C8orf34: variants seen among roughly 807,000 people sequenced by gnomAD.
C8orf34 encodes chromosome 8 open reading frame 34, also known as uncharacterized protein C8orf34.
Under a neutral mutation model 68.3 loss-of-function variants are expected in C8orf34, and 65 were observed. That is an observed-to-expected ratio of 0.95 (90% CI 0.78 to 1.17). The LOEUF (loss-of-function observed/expected upper bound fraction) is 1.17. Ranked by LOEUF, C8orf34 falls within the 50% of genes most tolerant of loss-of-function variation. The pLI is 0.00. For synonymous variants in C8orf34, 244 were observed against 241.2 expected, an observed-to-expected ratio of 1.01 and a Z score of -0.11; for missense variants, 664 against 655.4, an observed-to-expected ratio of 1.01 and a Z score of -0.14.
intron 10 of C8orf34, among the ~76,000 whole-genome samples, chr8:68,767,523 A>G (rs1823214445): frequency 6.6e-6 from 1 of 152,162 alleles, no homozygotes; most frequent in Non-Finnish European, 1.5e-5. Context: ...TTTTACTAAC[A>G]TCATATTCTT....
At chr8:68,675,351 TACA>T (rs1335851365) in intron 8 of C8orf34, among the ~76,000 whole-genome samples, 4 of 151,950 alleles carry the variant, frequency 2.6e-5, no homozygotes, top group African/African-American at 9.7e-5. Flanking sequence ...CAAAAATAAT[TACA>T]ACAACTTTTC....
chr8:68,394,695 G>A (rs921659071), intron 1 of C8orf34, among the ~76,000 whole-genome samples: 2 of 151,924 alleles, frequency 1.3e-5, no homozygotes, highest in South Asian at 2.1e-4. Flanking sequence ...TTTATAATAA[G>A]CACATAATTT....
chr8:68,338,138 AG>A (rs1235346663), intron 1 of C8orf34, among the ~76,000 whole-genome samples: 1 of 152,118 alleles, frequency 6.6e-6, no homozygotes, highest in Non-Finnish European at 1.5e-5. Flanking sequence ...TGGTCTGGTG[AG>A]GGCCCTCTTA....
chr8:68,733,775 A>C (rs1201315338), intron 10 of C8orf34, among the ~76,000 whole-genome samples: 3 of 152,216 alleles, frequency 2.0e-5, no homozygotes, highest in Non-Finnish European at 4.4e-5. Flanking sequence ...ATTAGAAGAC[A>C]GAATTGAAAT....
chr8:68,671,364 T>A (rs1344215438), intron 8 of C8orf34, among the ~76,000 whole-genome samples: 1 of 152,214 alleles, frequency 6.6e-6, no homozygotes, highest in African/African-American at 2.4e-5. Flanking sequence ...CCCACAGATG[T>A]TGAAAATTGT....
chr8:68,736,115 A>T (rs1038968240), intron 10 of C8orf34, among the ~76,000 whole-genome samples: 1 of 152,206 alleles, frequency 6.6e-6, no homozygotes, highest in Non-Finnish European at 1.5e-5. Flanking sequence ...GTATATTACA[A>T]GTTAAAGCAT....
In C8orf34 at chr8:68,521,850, T is replaced by G; in HGVS notation, c.817T>G (p.Trp273Gly). 1 of 1,613,998 alleles carries G rather than the reference T, an allele frequency of 6.2e-7. No homozygotes were observed. Among genetic ancestry groups the G allele is most frequent in the South Asian group, 1.1e-5 (1 of 91,072 alleles). The change falls in exon 6 of 14, where the codon TGG becomes GGG. Residue 273 changes from tryptophan (W) to glycine (G), a missense_variant. Physicochemically the swap from Trp to Gly is radical, Grantham distance 184. Coordinates refer to ENST00000518698, the MANE Select transcript of C8orf34 (RefSeq NM_052958.4). ...SLLRPRVIGE[W>G]IGREENDADP... ...TCTGAGGCCCCGTGTGATTGGAGAA[T>G]GGATTGGTAGAGAAGAAAATGATGC...
chr8:68,555,793 G>A (rs560623204), intron 7 of C8orf34, among the ~76,000 whole-genome samples: 3 of 152,134 alleles, frequency 2.0e-5, no homozygotes, highest in East Asian at 3.9e-4. Context: ...TGTAGGTATA[G>A]TTCATTTACT....
chr8:68,778,579 A>G (rs994220564), intron 11 of C8orf34, among the ~76,000 whole-genome samples: 1 of 152,144 alleles, frequency 6.6e-6, no homozygotes, highest in Middle Eastern at 3.2e-3. Context: ...CTATTTTTCA[A>G]TGTATTATTT....
At chr8:68,709,129 G>T in intron 9 of C8orf34, 50 bp downstream of exon 9, 1 of 1,387,404 alleles carries the variant, frequency 7.2e-7, no homozygotes, top group Non-Finnish European at 1.0e-6. Flanking sequence ...GGCACTTAAA[G>T]ATTAAAGAAG....
chr8:68,688,968 T>G (rs1368050823), intron 8 of C8orf34, among the ~76,000 whole-genome samples: 1 of 152,076 alleles, frequency 6.6e-6, no homozygotes, highest in African/African-American at 2.4e-5. Context: ...GTTCTGCACA[T>G]GTATCCTGGA....
chr8:68,532,875 A>T lies in C8orf34; in HGVS notation c.939-108A>T, dbSNP rs1025159182. The T allele has an allele frequency of 1.2e-5, 9 of 726,026 alleles. No homozygotes were observed. The Admixed American group carries it at 2.0e-4, about 16-fold the overall frequency. The allele number at this position is 726,026 out of a possible 1,614,324, so 45.0% of individuals were successfully genotyped here. On this transcript the variant is annotated intron_variant, in intron 6 of 13. Coordinates refer to ENST00000518698, the MANE Select transcript of C8orf34 (RefSeq NM_052958.4). ...GATATTTCCATTATCCTTGGGGAAAACTTTAGTAACATGTCCACATACGTG... is the reference window on the plus strand; with the variant it reads ...GATATTTCCATTATCCTTGGGGAAATCTTTAGTAACATGTCCACATACGTG...
At chr8:68,725,142 C>T (rs1264630840) in intron 10 of C8orf34, among the ~76,000 whole-genome samples, 1 of 152,112 alleles carries the variant, frequency 6.6e-6, no homozygotes, top group Non-Finnish European at 1.5e-5. Context: ...GCTGGGATTA[C>T]AGGAATGAGC....
intron 7 of C8orf34, among the ~76,000 whole-genome samples, chr8:68,631,312 G>A (rs1818685058): frequency 6.6e-6 from 1 of 151,494 alleles, no homozygotes; most frequent in African/African-American, 2.4e-5. Context: ...CCACTATGTT[G>A]CCAGGCTTGT....
intron 1 of C8orf34, among the ~76,000 whole-genome samples, chr8:68,376,306 A>G (rs1332989447): frequency 6.6e-6 from 1 of 152,178 alleles, no homozygotes; most frequent in Non-Finnish European, 1.5e-5. Context: ...TGAAACCCAC[A>G]TAGGCTAGGA....
chr8:68,761,192 C>T (rs866786650), intron 10 of C8orf34, among the ~76,000 whole-genome samples: 1 of 152,180 alleles, frequency 6.6e-6, no homozygotes, highest in Non-Finnish European at 1.5e-5. Flanking sequence ...CAATCTAATT[C>T]TATCCCCTCA....
chr8:68,664,431 A>G (rs775869235), intron 8 of C8orf34, among the ~76,000 whole-genome samples: 7 of 152,314 alleles, frequency 4.6e-5, no homozygotes, highest in Non-Finnish European at 8.8e-5. Flanking sequence ...ATGCAAAAGC[A>G]ATACAAATTT....
At chr8:68,749,326 A>G (rs1172799477) in intron 10 of C8orf34, among the ~76,000 whole-genome samples, 1 of 152,178 alleles carries the variant, frequency 6.6e-6, no homozygotes, top group East Asian at 1.9e-4. Context: ...AGCATGGCAC[A>G]TGTATACATA....
intron 7 of C8orf34, among the ~76,000 whole-genome samples, chr8:68,620,664 CAA>C (rs34609291): frequency 3.1e-5 from 4 of 128,424 alleles, no homozygotes; most frequent in Non-Finnish European, 3.3e-5. Context: ...ATATCTGTGT[CAA>C]AAAAAAAAAA....
Sources: allele counts gnomAD v4.1 joint callset (sites outside exome capture counted in the v4.1 genomes callset), GRCh38; gene constraint gnomAD v4.1.1; transcripts MANE v1.5; gene names NCBI Gene and HGNC (gene_info 2026-07-23, HGNC 2026-07-21).